Variants in VPS13B observed in about 807,000 individuals in gnomAD.
VPS13B encodes vacuolar protein sorting 13 homolog B.
A neutral mutation model predicts 426.4 loss-of-function variants in VPS13B; 285 were observed. That is an observed-to-expected ratio of 0.67 (90% CI 0.61 to 0.74). The LOEUF (loss-of-function observed/expected upper bound fraction) is 0.74. Among genes scored for constraint, VPS13B ranks in the 30% least tolerant of loss-of-function variants. The pLI is 0.00. For synonymous variants in VPS13B, 1,676 were observed against 1,676.4 expected (o/e 1.00, Z 0.01); for missense variants, 4,537 against 4,782.6 (o/e 0.95, Z 1.51).
At position 99,111,154 on chromosome 8, in the gene VPS13B, G is replaced by A; in HGVS notation, c.637G>A (p.Asp213Asn). The A allele has an allele frequency of 6.2e-7, 1 of 1,605,458 alleles. No individual in the cohort carries two copies. Among genetic ancestry groups the A allele is most frequent in the Non-Finnish European group, 8.5e-7 (1 of 1,175,782 alleles). Reference protein sequence around the residue: ...INFSDCTVCLDKRNASGKIEF... With the variant: ...INFSDCTVCLNKRNASGKIEF... ...TTTTTCTGACTGTACAGTTTGTCTTGATAAACGGAATGCCAGTGGTAAAAT... is the reference window on the plus strand; with the variant it reads ...TTTTTCTGACTGTACAGTTTGTCTTAATAAACGGAATGCCAGTGGTAAAAT... The change falls in exon 6 of 62, where the codon GAT becomes AAT. Residue 213 changes from aspartate (D) to asparagine (N), a missense_variant. Physicochemically the swap from Asp to Asn is conservative, Grantham distance 23 (BLOSUM62 1). Transcript: ENST00000357162.
At chr8:99,766,670 AG>A in intron 39 of VPS13B, 103 bp from the exon 40 acceptor site, 1 of 955,176 alleles carries the variant, frequency 1.0e-6, no homozygotes, top group Non-Finnish European at 1.6e-6. Flanking sequence ...TCTCCTCTAA[AG>A]GTCTTAATGT....
At chr8:99,275,306 T>TC in intron 19 of VPS13B, 52 bp downstream of exon 19, 1 of 1,472,712 alleles carries the variant, frequency 6.8e-7, no homozygotes, top group Non-Finnish European at 9.0e-7. Flanking sequence ...TTTTTTTTTT[T>TC]TCCAGAAAGG....
intron 35 of VPS13B, among the ~76,000 whole-genome samples, chr8:99,688,133 CTTT>C (rs1307921649): frequency 2.7e-5 from 3 of 113,080 alleles, no homozygotes; most frequent in Non-Finnish European, 1.9e-5. Context: ...TCCTTGCTTG[CTTT>C]TTTTTTTTTT....
chr8:99,415,200 G>T, intron 21 of VPS13B, among the ~76,000 whole-genome samples: 1 of 151,010 alleles, frequency 6.6e-6, no homozygotes, highest in East Asian at 2.0e-4. Flanking sequence ...GATTGATTTG[G>T]CTATTGACAC....
chr8:99,681,587 G>A (rs1470385046), intron 35 of VPS13B, among the ~76,000 whole-genome samples: 3 of 152,140 alleles, frequency 2.0e-5, no homozygotes, highest in African/African-American at 4.8e-5. Flanking sequence ...AGAATCATGT[G>A]AGTCTAGGAG....
At chr8:99,233,311 T>C (rs1588160366) in intron 17 of VPS13B, 3 of 1,117,740 alleles carry the variant, frequency 2.7e-6, no homozygotes, top group Admixed American at 1.7e-5. Flanking sequence ...CACTCTGATA[T>C]GGGCTTCCAG....
intron 33 of VPS13B, among the ~76,000 whole-genome samples, chr8:99,605,995 A>G (rs954301431): frequency 2.6e-5 from 4 of 152,112 alleles, no homozygotes; most frequent in African/African-American, 9.7e-5. Flanking sequence ...TCCCAGATTC[A>G]AGGGATCCTC....
chr8:99,425,686 G>A (rs1283923812), intron 21 of VPS13B, among the ~76,000 whole-genome samples: 1 of 151,876 alleles, frequency 6.6e-6, no homozygotes, highest in African/African-American at 2.4e-5. Flanking sequence ...CACCACTCCT[G>A]TTCAACATAG....
chr8:99,234,910 A>T (rs1426208179), intron 17 of VPS13B, among the ~76,000 whole-genome samples: 1 of 152,212 alleles, frequency 6.6e-6, no homozygotes, highest in African/African-American at 2.4e-5. Context: ...GATTAACAGT[A>T]TCCAAGAAAA....
intron 33 of VPS13B, among the ~76,000 whole-genome samples, chr8:99,616,441 A>G (rs368961912): frequency 1.5e-4 from 23 of 152,332 alleles, no homozygotes; most frequent in African/African-American, 4.8e-4. Context: ...TTTAAGAGGA[A>G]GTAACACTTA....
At position 99,355,150 on chromosome 8, in the gene VPS13B, T is replaced by G. The variant is rs1812111147; in HGVS notation, c.2825-29058T>G. Among the ~76,000 whole-genome samples the G allele has an allele frequency of 2.0e-5, 3 of 152,200 alleles. No individual in the cohort carries two copies. In the South Asian group the frequency reaches 6.2e-4, roughly 32 times the overall value. ...TTAAGAACTGCTGTACCAATTAAGTTCTAATAATCTAAGCTTACTCTGTTA... is the reference window on the plus strand; with the variant it reads ...TTAAGAACTGCTGTACCAATTAAGTGCTAATAATCTAAGCTTACTCTGTTA... On this transcript the variant is annotated intron_variant, in intron 19 of 61. Transcript: ENST00000357162.
At chr8:99,696,513 G>A (rs760084475) in intron 35 of VPS13B, 3 of 443,126 alleles carry the variant, frequency 6.8e-6, no homozygotes, top group South Asian at 6.0e-5. Context: ...GTTCGTGGTT[G>A]TCCAGTTCAT....
intron 31 of VPS13B, among the ~76,000 whole-genome samples, chr8:99,562,808 A>T (rs1380882263): frequency 6.6e-6 from 1 of 152,126 alleles, no homozygotes; most frequent in African/African-American, 2.4e-5. Flanking sequence ...TCCCCATTGA[A>T]TGATCCTGTC....
chr8:99,034,824 C>T (rs2132209977), intron 2 of VPS13B, among the ~76,000 whole-genome samples: 1 of 152,268 alleles, frequency 6.6e-6, no homozygotes, highest in South Asian at 2.1e-4. Context: ...CCGAGCTCCT[C>T]ATTCAGCACT....
chr8:99,509,943 G>A (rs1309641414), intron 28 of VPS13B, among the ~76,000 whole-genome samples: 2 of 152,100 alleles, frequency 1.3e-5, no homozygotes, highest in East Asian at 3.9e-4. Flanking sequence ...ACTCTAACTT[G>A]TTTATAGTGT....
intron 14 of VPS13B, among the ~76,000 whole-genome samples, chr8:99,152,835 G>T (rs993015567): frequency 3.3e-5 from 5 of 152,098 alleles, no homozygotes; most frequent in African/African-American, 1.2e-4. Flanking sequence ...GTTTTAGTAA[G>T]GTATGTATTT....
intron 3 of VPS13B, among the ~76,000 whole-genome samples, chr8:99,075,096 A>G (rs373774896): frequency 1.1e-3 from 173 of 152,198 alleles, no homozygotes; most frequent in African/African-American, 3.9e-3. Flanking sequence ...CAGTAAAGCC[A>G]TTTCATCCTG....
intron 35 of VPS13B, among the ~76,000 whole-genome samples, chr8:99,662,395 A>C (rs1464850750): frequency 6.6e-6 from 1 of 152,000 alleles, no homozygotes; most frequent in East Asian, 1.9e-4. Context: ...TCAGAGTGTT[A>C]CCCATGGAAT....
intron 19 of VPS13B, among the ~76,000 whole-genome samples, chr8:99,294,911 T>C (rs1362860051): frequency 1.3e-5 from 2 of 152,214 alleles, no homozygotes; most frequent in Admixed American, 1.3e-4. Context: ...AAAATAAGGA[T>C]GGCATCATGT....
Sources: allele counts gnomAD v4.1 joint callset (sites outside exome capture counted in the v4.1 genomes callset), GRCh38; gene constraint gnomAD v4.1.1; transcripts MANE v1.5; gene names NCBI Gene and HGNC (gene_info 2026-07-23, HGNC 2026-07-21).